The following KLF8 variants were observed in gnomAD, a reference collection of about 807,000 sequenced individuals.
The protein encoded by KLF8 is Krueppel-like factor 8.
In KLF8, 10 loss-of-function variants were observed where a neutral mutation model predicts 18.2. The ratio of observed to expected loss-of-function variants is 0.55; its 90% CI spans 0.34 to 0.93. The LOEUF is 0.93. KLF8 is among the 40% of genes least tolerant of loss of function. The pLI is 0.02. For synonymous variants in KLF8, 109 were observed against 97.3 expected, an observed-to-expected ratio of 1.12 and a Z score of -0.71; for missense variants, 264 against 277.9, an observed-to-expected ratio of 0.95 and a Z score of 0.36.
the KLF8 span, among the ~76,000 whole-genome samples, chrX:56,147,571 C>G: frequency 8.9e-6 from 1 of 112,044 alleles, no homozygotes; most frequent in African/African-American, 3.2e-5. Context: ...AACAGGAAAA[C>G]CTATAGAAAT....
chrX:55,909,449 T>C, the KLF8 span, among the ~76,000 whole-genome samples: 1 of 112,735 alleles, frequency 8.9e-6, no homozygotes, highest in African/African-American at 3.2e-5. Flanking sequence ...AAATTCATTC[T>C]ACAAATTTTA....
the KLF8 span, among the ~76,000 whole-genome samples, chrX:56,058,271 TATATATAC>T: frequency 6.2e-3 from 219 of 35,301 alleles, 4 homozygotes; most frequent in African/African-American, 0.025. Context: ...TATATATACA[TATATATAC>T]ATATATATAT....
At chrX:56,155,445 G>A in the KLF8 span, among the ~76,000 whole-genome samples, 1 of 110,347 alleles carries the variant, frequency 9.1e-6, no homozygotes, top group Admixed American at 9.7e-5. Flanking sequence ...TCACACACCG[G>A]GGCCTGTTGT....
chrX:55,990,860 A>T, the KLF8 span, among the ~76,000 whole-genome samples: 1 of 111,074 alleles, frequency 9.0e-6, no homozygotes, highest in African/African-American at 3.3e-5. Flanking sequence ...TTCCTCTGGA[A>T]GTTTTGTCTC....
chrX:56,188,974 T>A, the KLF8 span, among the ~76,000 whole-genome samples: 129 of 111,424 alleles, frequency 1.2e-3, no homozygotes, highest in African/African-American at 3.9e-3. Flanking sequence ...GGACTTCATG[T>A]CTAAAACACC....
the KLF8 span, among the ~76,000 whole-genome samples, chrX:56,209,370 G>C: frequency 9.0e-6 from 1 of 111,234 alleles, no homozygotes; most frequent in South Asian, 3.9e-4. Flanking sequence ...TGTGTTTCTT[G>C]TAGTCAAGAG....
rs1045611085 is a variant in KLF8, at chrX:56,284,731, C to T, written c.*237C>T. 2.8e-5 allele frequency: 8 copies of T among 281,971 alleles called. No homozygotes were observed. Among genetic ancestry groups the T allele is most frequent in the Non-Finnish European group, 4.9e-5 (8 of 162,076 alleles). The allele number at this position is 281,971 out of a possible 1,213,427, so 23.2% of individuals were successfully genotyped here. Reference sequence around the variant, plus strand: ...TTCAACCTCCACATGGGTTGAATTCCAGTGTGGCACCCATGGCTGCCTTCC... The same window carrying T: ...TTCAACCTCCACATGGGTTGAATTCTAGTGTGGCACCCATGGCTGCCTTCC... On this transcript the variant is annotated 3_prime_UTR_variant, in exon 6 of 6. Coordinates refer to ENST00000468660, the MANE Select transcript of KLF8 (RefSeq NM_007250.5).
the KLF8 span, among the ~76,000 whole-genome samples, chrX:55,966,093 G>T: frequency 8.9e-6 from 1 of 112,262 alleles, no homozygotes; most frequent in Non-Finnish European, 1.9e-5. Context: ...TTGTCTTGTG[G>T]CTTGAGTGCC....
At chrX:56,270,347 A>AAGACACACAC in intron 5 of KLF8, 26 bp downstream of exon 5, 2 of 661,763 alleles carry the variant, frequency 3.0e-6, no homozygotes, top group Non-Finnish European at 4.1e-6. Context: ...TCTCACCCCC[A>AAGACACACAC]ACACACACAC....
the KLF8 span, among the ~76,000 whole-genome samples, chrX:56,143,514 CATA>C: frequency 2.7e-5 from 3 of 112,023 alleles, no homozygotes; most frequent in Non-Finnish European, 5.6e-5. Flanking sequence ...GTGCCTGAGA[CATA>C]GTAGGCATTC....
At chrX:56,070,932 T>G in the KLF8 span, among the ~76,000 whole-genome samples, 1 of 112,282 alleles carries the variant, frequency 8.9e-6, no homozygotes, top group Non-Finnish European at 1.9e-5. Context: ...GTATTGGGAA[T>G]ATATGCATCA....
the KLF8 span, among the ~76,000 whole-genome samples, chrX:55,941,037 A>G: frequency 8.9e-6 from 1 of 111,756 alleles, no homozygotes; most frequent in Non-Finnish European, 1.9e-5. Context: ...TAAAGTTCAT[A>G]TGGAACCAAA....
intron 3 of KLF8, chrX:56,267,694 G>A (rs978022174): frequency 9.0e-6 from 1 of 111,386 alleles, no homozygotes; most frequent in Admixed American, 9.5e-5. Context: ...AGGTAATATT[G>A]TATGTTTTAA....
the KLF8 span, among the ~76,000 whole-genome samples, chrX:56,034,596 C>G: frequency 6.5e-3 from 719 of 110,560 alleles, 3 homozygotes; most frequent in Non-Finnish European, 9.9e-3. Flanking sequence ...GTGATAAGAT[C>G]AGGGTAACTA....
chrX:56,001,185 C>T, the KLF8 span, among the ~76,000 whole-genome samples: 2 of 112,155 alleles, frequency 1.8e-5, no homozygotes, highest in Admixed American at 1.9e-4. Flanking sequence ...TTGTTGATTC[C>T]AACACCTGTA....
At chrX:56,096,362 G>A in the KLF8 span, among the ~76,000 whole-genome samples, 8,586 of 110,830 alleles carry the variant, frequency 0.077, 814 homozygotes, top group African/African-American at 0.27. Flanking sequence ...GTGGGTGATA[G>A]GTACACTAAA....
the KLF8 span, among the ~76,000 whole-genome samples, chrX:56,057,599 C>A: frequency 1.8e-5 from 2 of 111,158 alleles, no homozygotes; most frequent in Admixed American, 9.5e-5. Flanking sequence ...TGATGCAGGT[C>A]CCTAGGGCAC....
At chrX:56,166,377 A>G in the KLF8 span, among the ~76,000 whole-genome samples, 1 of 111,872 alleles carries the variant, frequency 8.9e-6, no homozygotes. Flanking sequence ...CTAAGGTGCC[A>G]ACAGTTTAAT....
intron 2 of KLF8, among the ~76,000 whole-genome samples, chrX:56,256,690 T>A (rs1451831625): frequency 8.9e-6 from 1 of 111,788 alleles, no homozygotes; most frequent in African/African-American, 3.3e-5. Context: ...TCAGGAGCAA[T>A]TTTTGTTGTA....
Sources: gnomAD v4.1 joint callset for allele counts (sites outside exome capture counted in the v4.1 genomes callset) on GRCh38, gnomAD v4.1.1 for gene constraint, MANE v1.5 for transcripts, NCBI Gene and HGNC (gene_info 2026-07-23, HGNC 2026-07-21) for gene names.